PRDX2: variants seen among roughly 807,000 people sequenced by gnomAD.
PRDX2 encodes peroxiredoxin-2.
PRDX2 carries 10 observed loss-of-function variants against 19.8 expected under a neutral mutation model. That is an observed-to-expected ratio of 0.50 (90% CI 0.31 to 0.86). PRDX2 has a LOEUF of 0.86. PRDX2 is among the 40% of genes least tolerant of loss of function. The pLI, the probability that PRDX2 is intolerant of heterozygous loss-of-function variation, is 0.04. For missense variants in PRDX2, 226 were observed against 260.1 expected (o/e 0.87, Z 0.90); for synonymous variants, 118 against 108.2 (o/e 1.09, Z -0.56).
At chr19:12,800,438 C>A in intron 3 of PRDX2, 139 bp from the exon 4 acceptor site, 1 of 1,166,716 alleles carries the variant, frequency 8.6e-7, no homozygotes, top group Non-Finnish European at 1.2e-6. Context: ...TCACCCACCC[C>A]ACCCTGGGTT....
chr19:12,797,706 G>GGAGT (rs1243885745), intron 5 of PRDX2, among the ~76,000 whole-genome samples: 1 of 135,860 alleles, frequency 7.4e-6, no homozygotes. Flanking sequence ...TGCCCAGGCT[G>GGAGT]GAGTGCAATG....
At chr19:12,797,332 T>TC (rs556347482) in intron 5 of PRDX2, among the ~76,000 whole-genome samples, 166 bp from the exon 6 acceptor site, 6 of 151,760 alleles carry the variant, frequency 4.0e-5, no homozygotes, top group African/African-American at 1.5e-4. Context: ...TTTTTTCTTT[T>TC]TTTTTTTTTT....
intron 5 of PRDX2, among the ~76,000 whole-genome samples, chr19:12,799,012 C>T (rs1027956890): frequency 3.5e-4 from 53 of 151,930 alleles, no homozygotes; most frequent in African/African-American, 1.2e-3. Context: ...GAGTCTCCTG[C>T]CTCAGCCTCC....
At position 12,800,104 on chromosome 19, in the gene PRDX2, A is replaced by G. The variant is rs1968861786; in HGVS notation, c.380+73T>C. Reference sequence around the variant, plus strand: ...GGGCTGGGGGCAGAGAAGACATTGTACAGGAGTGGTCCCAGCATCACAGGA... The same window carrying G: ...GGGCTGGGGGCAGAGAAGACATTGTGCAGGAGTGGTCCCAGCATCACAGGA... On this transcript the variant is annotated intron_variant, in intron 4 of 5. Coordinates refer to ENST00000301522, the MANE Select transcript of PRDX2 (RefSeq NM_005809.6). 3 of 1,602,540 alleles carry G rather than the reference A, an allele frequency of 1.9e-6. No individual in the cohort carries two copies. The East Asian group carries it at 6.7e-5, about 36-fold the overall frequency.
In PRDX2 at chr19:12,800,853, A is replaced by T. The variant is rs763048288; in HGVS notation, c.257+63T>A. The T allele has an allele frequency of 8.3e-6, 13 of 1,559,682 alleles. No homozygotes were observed. The East Asian group carries it at 3.2e-4, about 38-fold the overall frequency. ...GAGGTTGAGCAATGGCCACGAAGCCACACTGCTAGGACCTGAGGGTGTGAG... is the reference window on the plus strand; with the variant it reads ...GAGGTTGAGCAATGGCCACGAAGCCTCACTGCTAGGACCTGAGGGTGTGAG... On this transcript the variant is annotated intron_variant, in intron 3 of 5. Coordinates refer to ENST00000301522, the MANE Select transcript of PRDX2 (RefSeq NM_005809.6).
Position 12,799,863 on chromosome 19 carries a change from C to T in PRDX2, c.507G>A (p.Gly169=). The part of the protein sequence containing the change: ...VQAFQYTDEH[G]EVCPAGWKPG... ...GTCATGTGTGTATCTGCTCACCTTC[C>T]CCATGCTCGTCTGTGTACTGGAAGG... The change falls in exon 5 of 6, where the codon GGG becomes GGA. Residue 169 remains glycine (G), a synonymous_variant. Coordinates refer to ENST00000301522, the MANE Select transcript of PRDX2 (RefSeq NM_005809.6). 1.2e-6 allele frequency: 2 copies of T among 1,612,158 alleles called. No homozygotes were observed. Among genetic ancestry groups the T allele is most frequent in the Non-Finnish European group, 1.7e-6 (2 of 1,179,770 alleles).
intron 5 of PRDX2, among the ~76,000 whole-genome samples, chr19:12,799,268 G>C (rs1460172540): frequency 6.6e-6 from 1 of 152,084 alleles, no homozygotes; most frequent in African/African-American, 2.4e-5. Context: ...TGCGATCACA[G>C]CTTACTGCAG....
chr19:12,798,194 G>A (rs1204045480), intron 5 of PRDX2, among the ~76,000 whole-genome samples: 3 of 149,206 alleles, frequency 2.0e-5, no homozygotes, highest in African/African-American at 7.4e-5. Context: ...ACAGGCGCCC[G>A]CCACCACGCC....
intron 5 of PRDX2, among the ~76,000 whole-genome samples, chr19:12,799,033 G>T (rs1968843626): frequency 6.6e-6 from 1 of 151,588 alleles, no homozygotes; most frequent in Non-Finnish European, 1.5e-5. Context: ...CAAGTAGCTG[G>T]GATTACAGGC....
rs1300449060 is a variant in PRDX2 at position 12,799,927 on chromosome 19, A to G, written c.443T>C (p.Val148Ala). 6.2e-7 allele frequency: 1 copy of G among 1,614,012 alleles called. No homozygotes were observed. The change falls in exon 5 of 6, where the codon GTG becomes GCG. Residue 148 changes from valine to alanine, a missense_variant. Transcript: ENST00000301522. ...CAGAGCCTCATCCACGGAGCGTCCC[A>G]CAGGCAAATCATTAACAGTGATCTG... ...LRQITVNDLPVGRSVDEALRL... is the reference protein window; with the variant it reads ...LRQITVNDLPAGRSVDEALRL...
chr19:12,796,924 A>C lies in PRDX2; in HGVS notation c.*157T>G. 1 of 664,006 alleles carries C rather than the reference A, an allele frequency of 1.5e-6. No individual in the cohort carries two copies. The highest frequency in any genetic ancestry group is 2.0e-5 in the South Asian group (1 of 50,750). 41.1% of individuals were successfully genotyped at this position (664,006 alleles called of 1,614,324 possible). A position where few individuals can be genotyped will look rare whatever the true frequency, so the allele number is the denominator to read the frequency against. ...TCAGCTTCTAGGTGGAGGCATGAGA[A>C]GGCCTTGGCCTAGCCCTCCAGGGTC... On this transcript the variant is annotated 3_prime_UTR_variant, in exon 6 of 6. Transcript: ENST00000301522.
intron 3 of PRDX2, 65 bp downstream of exon 3, chr19:12,800,851 C>T (rs371004936): frequency 4.5e-6 from 7 of 1,558,708 alleles, no homozygotes; most frequent in Non-Finnish European, 6.1e-6. Flanking sequence ...GGCCACGAAG[C>T]CACACTGCTA....
intron 3 of PRDX2, 22 bp downstream of exon 3, chr19:12,800,894 C>T: frequency 3.1e-6 from 5 of 1,591,942 alleles, no homozygotes; most frequent in Non-Finnish European, 4.3e-6. Context: ...CTGCAACCTC[C>T]CTCTTTGGCC....
Position 12,800,278 on chromosome 19 carries a change from C to G in PRDX2, c.279G>C (p.Glu93Asp). 6.2e-7 allele frequency: 1 copy of G among 1,613,182 alleles called. No individual in the cohort carries two copies. The highest frequency in any genetic ancestry group is 8.5e-7 in the Non-Finnish European group (1 of 1,179,756). ...GGATGTTCAGGGGGCCCAAGCCTCC[C>G]TCTTTCCGGGGGGTGTTGATCCTGG... ...HLAWINTPRK[E>D]GGLGPLNIPL... Residue 93 changes from glutamate to aspartate, a missense_variant, in exon 4 of 6, where the codon GAG becomes GAC. By Grantham distance (45) the Glu-to-Asp change is conservative (BLOSUM62 2). Transcript: ENST00000301522.
chr19:12,797,328 C>CTT (rs112459805), intron 5 of PRDX2, among the ~76,000 whole-genome samples, 162 bp from the exon 6 acceptor site: 12,777 of 142,514 alleles, frequency 0.09, 636 homozygotes, highest in African/African-American at 0.13. Context: ...AGTATTTTTT[C>CTT]TTTTTTTTTT....
rs753523300 is a variant in PRDX2, at chr19:12,801,174, G to A, written c.88C>T (p.Leu30=). The part of the protein sequence containing the change: ...VVDGAFKEVK[L]SDYKGKYVVL... ...CGGCGCTCACCTTTGTAGTCCGACA[G>A]CTTCACCTCTTTGAAGGCGCCATCA... Residue 30 remains leucine, a synonymous_variant, in exon 2 of 6, where the codon CTG becomes TTG. Coordinates refer to ENST00000301522, the MANE Select transcript of PRDX2 (RefSeq NM_005809.6). 1.9e-6 allele frequency: 3 copies of A among 1,614,052 alleles called. No homozygotes were observed. The Admixed American group carries it at 5.0e-5, about 27-fold the overall frequency.
At chr19:12,800,703 C>A in intron 3 of PRDX2, 1 of 1,468,410 alleles carries the variant, frequency 6.8e-7, no homozygotes, top group Middle Eastern at 1.8e-4. Flanking sequence ...AGAGTTGCAT[C>A]TGAGTTGCAT....
rs749402992 is a variant in PRDX2, at chr19:12,800,724, A to G, written c.257+192T>C. Reference sequence around the variant, plus strand: ...GCATCTGAGTTGCATCTGCAACTCTATATACCAGGCAACTAGTTGTCAAAT... The same window carrying G: ...GCATCTGAGTTGCATCTGCAACTCTGTATACCAGGCAACTAGTTGTCAAAT... On this transcript the variant is annotated intron_variant, in intron 3 of 5. Coordinates refer to ENST00000301522, the MANE Select transcript of PRDX2 (RefSeq NM_005809.6). 3.4e-4 allele frequency: 508 copies of G among 1,498,492 alleles called. 1 individual carries two copies. Among genetic ancestry groups the G allele is most frequent in the Non-Finnish European group, 4.1e-4 (455 of 1,118,638 alleles). The allele number at this position is 1,498,492 out of a possible 1,614,324, so 92.8% of individuals were successfully genotyped here.
chr19:12,801,451 A>C (rs1003101785), intron 1 of PRDX2, among the ~76,000 whole-genome samples, 181 bp from the exon 2 acceptor site: 30 of 152,222 alleles, frequency 2.0e-4, no homozygotes, highest in African/African-American at 7.0e-4. Flanking sequence ...TCTCCTGACC[A>C]GAGCACGAGT....
Sources: gnomAD v4.1 joint callset for allele counts (sites outside exome capture counted in the v4.1 genomes callset) on GRCh38, gnomAD v4.1.1 for gene constraint, MANE v1.5 for transcripts, NCBI Gene and HGNC (gene_info 2026-07-23, HGNC 2026-07-21) for gene names.